Variants in DISC1 observed in about 807,000 individuals in gnomAD.
DISC1 encodes disrupted in schizophrenia 1 protein.
Under a neutral mutation model 84.5 loss-of-function variants are expected in DISC1, and 57 were observed. The ratio of observed to expected loss-of-function variants is 0.67; its 90% CI spans 0.55 to 0.84. DISC1 has a LOEUF of 0.84. Ranked by LOEUF, DISC1 falls within the 40% of genes least tolerant of loss-of-function variation. The probability of loss-of-function intolerance (pLI) is 0.00; values close to 1 mark genes in which losing one functional copy is unlikely to be tolerated. For missense variants in DISC1, 1,000 were observed against 1,057.8 expected (o/e 0.95, Z 0.76); for synonymous variants, 411 against 415.2 (o/e 0.99, Z 0.12).
intron 3 of DISC1, among the ~76,000 whole-genome samples, chr1:231,734,467 T>C (rs1395754363): frequency 6.8e-6 from 1 of 147,226 alleles, no homozygotes; most frequent in Non-Finnish European, 1.5e-5. Flanking sequence ...TTGCAAGGCC[T>C]ATTGGCATCA....
chr1:231,722,873 T>C, intron 3 of DISC1: 1 of 1,385,020 alleles, frequency 7.2e-7, no homozygotes, highest in Non-Finnish European at 9.3e-7. Flanking sequence ...TGTCATGGCA[T>C]GAAAAAACCG....
chr1:232,022,407 A>G (rs922934690), intron 11 of DISC1, among the ~76,000 whole-genome samples: 15 of 151,496 alleles, frequency 9.9e-5, no homozygotes, highest in Admixed American at 4.6e-4. Flanking sequence ...TCCTGGGGTC[A>G]AGCAATTCTC....
chr1:232,026,983 T>A (rs1669540723), intron 12 of DISC1, among the ~76,000 whole-genome samples: 1 of 152,110 alleles, frequency 6.6e-6, no homozygotes, highest in Non-Finnish European at 1.5e-5. Context: ...ACTCCTGACC[T>A]CAAGTGATCC....
At chr1:231,740,474 G>A (rs1387847602) in intron 3 of DISC1, among the ~76,000 whole-genome samples, 2 of 152,188 alleles carry the variant, frequency 1.3e-5, no homozygotes, top group African/African-American at 4.8e-5. Context: ...GGAGCAGAGT[G>A]CTGGCATGGA....
chr1:232,029,798 T>C (rs1669827947), intron 12 of DISC1, among the ~76,000 whole-genome samples: 1 of 152,222 alleles, frequency 6.6e-6, no homozygotes, highest in Admixed American at 6.5e-5. Context: ...ACATAAGGGC[T>C]ATTAGTGTGG....
intron 9 of DISC1, among the ~76,000 whole-genome samples, chr1:231,955,297 A>T (rs1018059649): frequency 1.3e-5 from 2 of 152,156 alleles, no homozygotes; most frequent in African/African-American, 4.8e-5. Context: ...CCCAAACTCC[A>T]GACTCAGATA....
chr1:231,717,498 A>G (rs1403420870), intron 3 of DISC1, among the ~76,000 whole-genome samples: 1 of 152,138 alleles, frequency 6.6e-6, no homozygotes, highest in African/African-American at 2.4e-5. Flanking sequence ...ACTCTGTCTC[A>G]CTGAGCCATA....
chr1:231,823,723 G>T (rs1044879905), intron 9 of DISC1, among the ~76,000 whole-genome samples: 1 of 152,148 alleles, frequency 6.6e-6, no homozygotes, highest in Non-Finnish European at 1.5e-5. Flanking sequence ...GGGGTTTGGT[G>T]TCCAGAATAT....
At chr1:231,772,451 T>C (rs2076626263) in intron 6 of DISC1, among the ~76,000 whole-genome samples, 1 of 152,158 alleles carries the variant, frequency 6.6e-6, no homozygotes, top group African/African-American at 2.4e-5. Flanking sequence ...TTCCTACAAC[T>C]CACCACCTGT....
intron 1 of DISC1, among the ~76,000 whole-genome samples, chr1:231,677,509 G>A (rs2063272519): frequency 6.6e-6 from 1 of 152,198 alleles, no homozygotes; most frequent in Admixed American, 6.5e-5. Context: ...AACGTCACCT[G>A]CCAGAAATTT....
At chr1:231,628,365 A>C (rs2125064280) in intron 1 of DISC1, among the ~76,000 whole-genome samples, 1 of 152,354 alleles carries the variant, frequency 6.6e-6, no homozygotes, top group Admixed American at 6.5e-5. Flanking sequence ...CTGAGGATTA[A>C]ATGAGGCAAA....
chr1:232,025,061 C>T (rs991420379), intron 11 of DISC1, among the ~76,000 whole-genome samples: 34 of 152,156 alleles, frequency 2.2e-4, no homozygotes, highest in African/African-American at 7.7e-4. Context: ...TTTTCCTTTA[C>T]AAGTCTGTGG....
chr1:231,691,299 C>T, intron 1 of DISC1, among the ~76,000 whole-genome samples: 1 of 151,972 alleles, frequency 6.6e-6, no homozygotes, highest in Non-Finnish European at 1.5e-5. Flanking sequence ...GGCGTGGTGG[C>T]AGGCACCCGC....
chr1:231,673,299 TG>T (rs1240765661), intron 1 of DISC1, among the ~76,000 whole-genome samples: 1 of 152,194 alleles, frequency 6.6e-6, no homozygotes, highest in African/African-American at 2.4e-5. Context: ...ATCCTTTCCT[TG>T]GCTATTTCTT....
chr1:232,021,230 G>GA, intron 11 of DISC1, among the ~76,000 whole-genome samples: 1 of 152,266 alleles, frequency 6.6e-6, no homozygotes, highest in Middle Eastern at 3.4e-3. Flanking sequence ...AAAGGTGGAA[G>GA]AAAGTGAGGC....
chr1:231,955,489 T>C (rs35476114), intron 9 of DISC1, among the ~76,000 whole-genome samples: 13 of 96,690 alleles, frequency 1.3e-4, no homozygotes, highest in African/African-American at 5.3e-4. Context: ...TTCTTGACTT[T>C]TTTTTTTTTT....
At chr1:231,674,095 A>G (rs2062898717) in intron 1 of DISC1, among the ~76,000 whole-genome samples, 1 of 152,214 alleles carries the variant, frequency 6.6e-6, no homozygotes, top group Admixed American at 6.5e-5. Context: ...AAATAAGGTG[A>G]TAATGATCCT....
chr1:231,634,986 C>T (rs2059074999), intron 1 of DISC1, among the ~76,000 whole-genome samples: 2 of 152,114 alleles, frequency 1.3e-5, no homozygotes, highest in African/African-American at 2.4e-5. Flanking sequence ...GCCATCCAGT[C>T]TAGAGAGAAC....
At chr1:231,866,477 A>G (rs771526213) in intron 9 of DISC1, 9 of 780,084 alleles carry the variant, frequency 1.2e-5, no homozygotes, top group South Asian at 1.1e-4. Flanking sequence ...ACAAGGCTCC[A>G]GGCACTTTCG....
Sources: allele counts gnomAD v4.1 joint callset (sites outside exome capture counted in the v4.1 genomes callset), GRCh38; gene constraint gnomAD v4.1.1; transcripts MANE v1.5; gene names NCBI Gene and HGNC (gene_info 2026-07-23, HGNC 2026-07-21).